Variants in TMPRSS9 observed in about 807,000 individuals in gnomAD.
The protein encoded by TMPRSS9 is transmembrane serine protease 9, also known as transmembrane protease serine 9.
A neutral mutation model predicts 111.4 loss-of-function variants in TMPRSS9; 113 were observed. The ratio of observed to expected loss-of-function variants is 1.01; its 90% confidence interval spans 0.87 to 1.19. The LOEUF (loss-of-function observed/expected upper bound fraction) is 1.19, where lower values mean the gene tolerates loss of function less well. Among genes scored for constraint, TMPRSS9 ranks in the 50% most tolerant of loss-of-function variants. The pLI, the probability that TMPRSS9 is intolerant of heterozygous loss-of-function variation, is 0.00. For synonymous variants in TMPRSS9, 805 were observed against 659.1 expected, an observed-to-expected ratio of 1.22 and a Z score of -3.39; for missense variants, 1,803 against 1,513.1, an observed-to-expected ratio of 1.19 and a Z score of -3.18.
chr19:2,388,391 C>G (rs368612791), upstream of TMPRSS9, among the ~76,000 whole-genome samples: 8 of 151,780 alleles, frequency 5.3e-5, no homozygotes, highest in African/African-American at 1.9e-4. Flanking sequence ...GTCTCAAAAA[C>G]AAACAAAAAA....
At chr19:2,392,057 A>G (rs1970610072) in intron 1 of TMPRSS9, among the ~76,000 whole-genome samples, 1 of 152,008 alleles carries the variant, frequency 6.6e-6, no homozygotes, top group African/African-American at 2.4e-5. Flanking sequence ...GTCTTTCAAG[A>G]AGCACTTAAG....
At chr19:2,361,326 T>G (rs1225530408) in intron 1 of TMPRSS9, among the ~76,000 whole-genome samples, 3 of 38,382 alleles carry the variant, frequency 7.8e-5, no homozygotes, top group Non-Finnish European at 1.5e-4. Context: ...GTTGGTGGGG[T>G]GGGGTGCGGG....
rs1259733352 is a variant in TMPRSS9 at position 2,421,853 on chromosome 19, G to C, written c.2155-1G>C. 2 of 1,595,982 alleles carry C rather than the reference G, an allele frequency of 1.3e-6. No homozygotes were observed. The highest frequency in any genetic ancestry group is 1.3e-5 in the African/African-American group (1 of 74,546). On this transcript the variant is annotated splice_acceptor_variant, in intron 13 of 17. Transcript: ENST00000648592. LOFTEE classifies it high-confidence loss of function. ...ACCAGTGCTCTTTCCTTCCTTTCTA[G>C]GGTGACTCTGGGGGCCCCCTGGCCT...
intron 7 of TMPRSS9, among the ~76,000 whole-genome samples, chr19:2,406,071 C>T (rs1176629710): frequency 4.4e-5 from 6 of 136,374 alleles, no homozygotes; most frequent in East Asian, 2.2e-4. Context: ...AGTGCAGTGG[C>T]GTGATCTCGG....
chr19:2,426,120 C>A, exon 18 of TMPRSS9: 1 of 1,586,620 alleles, frequency 6.3e-7, no homozygotes, highest in South Asian at 1.1e-5. Context: ...CGAGACTCTA[C>A]GTGAAAGCAA....
At chr19:2,363,891 C>T (rs1050271159) in intron 1 of TMPRSS9, among the ~76,000 whole-genome samples, 3 of 151,326 alleles carry the variant, frequency 2.0e-5, no homozygotes, top group Admixed American at 6.6e-5. Flanking sequence ...CCTTAATCTC[C>T]TCCTCTGTAA....
In TMPRSS9 at chr19:2,375,988, C is replaced by T. The variant is rs140989118; in HGVS notation, c.-25-13773C>T. ...GTAAAGATGCCAGATGCCCAGTAAA[C>T]CATTCGGCTCTCTCCGAAGTCAGCA... On this transcript the variant is annotated intron_variant, in intron 1 of 17. Coordinates refer to the TMPRSS9 transcript ENST00000649857. Among the ~76,000 whole-genome samples, 226 of 152,236 alleles carry T rather than the reference C, an allele frequency of 1.5e-3. 2 individuals carry two copies. Among genetic ancestry groups the T allele is most frequent in the Non-Finnish European group, 2.4e-3 (162 of 68,024 alleles).
At chr19:2,400,259 A>G (rs1315663491) in intron 4 of TMPRSS9, among the ~76,000 whole-genome samples, 1 of 152,218 alleles carries the variant, frequency 6.6e-6, no homozygotes, top group African/African-American at 2.4e-5. Flanking sequence ...ATTGTATGGA[A>G]GGCCGGGTGT....
upstream of TMPRSS9, chr19:2,389,625 C>T (rs891173): frequency 0.62 from 485,429 of 789,220 alleles, 153,299 homozygotes; most frequent in Middle Eastern, 0.72. Flanking sequence ...GCCTCAGCCT[C>T]CCAAAGTGCT....
upstream of TMPRSS9, among the ~76,000 whole-genome samples, chr19:2,385,172 C>CT (rs1378602544): frequency 9.0e-5 from 1 of 11,162 alleles, no homozygotes; most frequent in African/African-American, 3.0e-4. Flanking sequence ...GCGGGGCTCG[C>CT]GGGGGGCGGG....
At chr19:2,418,346 T>TCCCTCTCC (rs375110650) in intron 13 of TMPRSS9, among the ~76,000 whole-genome samples, 2 of 29,132 alleles carry the variant, frequency 6.9e-5, no homozygotes, top group African/African-American at 4.6e-4. Context: ...CTTCCCTCCC[T>TCCCTCTCC]TTCCCTCCCT....
rs1555676519 is a variant in TMPRSS9 at position 2,379,615 on chromosome 19, C to CTCTTCCTTTCTT, written c.-25-10142_-25-10141insCCTTTCTTTCTT. On this transcript the variant is annotated intron_variant, in intron 1 of 17. Coordinates refer to the TMPRSS9 transcript ENST00000649857. The stretch of plus-strand genomic sequence containing the variant: ...GACATTCCCTAAACTAACTTTCTTT[C>CTCTTCCTTTCTT]TCTTTCTTTCTTTCTTTCTTTCTTT... 7.6e-5 allele frequency among the ~76,000 whole-genome samples: 9 copies of CTCTTCCTTTCTT among 118,618 alleles called. No homozygotes were observed. The South Asian group carries it at 9.1e-4, about 12-fold the overall frequency. The allele number at this position is 118,618 out of a possible 152,430, so 77.8% of individuals were successfully genotyped here. A position where few individuals can be genotyped will look rare whatever the true frequency, so the allele number is the denominator to read the frequency against.
At chr19:2,399,793 C>G (rs999614196) in intron 4 of TMPRSS9, among the ~76,000 whole-genome samples, 1 of 152,124 alleles carries the variant, frequency 6.6e-6, no homozygotes, top group Non-Finnish European at 1.5e-5. Context: ...TCTTGGCTCA[C>G]TGCAGCTTCT....
At chr19:2,422,142 A>T in exon 14 of TMPRSS9, 1 of 1,592,506 alleles carries the variant, frequency 6.3e-7, no homozygotes, top group Non-Finnish European at 8.6e-7. Flanking sequence ...CAGCAGGGTG[A>T]CGGGCCAACC....
Position 2,396,535 on chromosome 19 carries a change from C to T in TMPRSS9, c.143-4C>T, listed in dbSNP as rs1366195116. 1 of 1,599,190 alleles carries T rather than the reference C, an allele frequency of 6.3e-7. No homozygotes were observed. On this transcript the variant is annotated splice_region_variant and splice_polypyrimidine_tract_variant and intron_variant, in intron 1 of 17. Transcript: ENST00000648592. ...TCTCTCACGGGCCCTGGTCTCGTCC[C>T]CAGCCTTCCTCTCTACACAGGGCTT...
intron 13 of TMPRSS9, 146 bp from the exon 15 acceptor site, chr19:2,421,708 T>G: frequency 2.8e-6 from 2 of 726,156 alleles, no homozygotes; most frequent in Non-Finnish European, 4.4e-6. Context: ...GGCATGGGGC[T>G]GCAGTCAGGT....
rs137891765 is a variant in TMPRSS9 at position 2,408,546 on chromosome 19, G to A, written c.1033G>A (p.Val345Met). 1.2e-4 allele frequency: 199 copies of A among 1,613,716 alleles called. 1 individual carries two copies. The Middle Eastern group carries it at 2.8e-3, about 23-fold the overall frequency. The change falls in exon 8 of 18, where the codon GTG becomes ATG. Residue 345 changes from valine to methionine, a missense_variant. Transcript: ENST00000648592. ...GCCTTTCGGCCGGCACATCCAGCCC[G>A]TGTGCCTCCCGGCTGCCACACACAT...
intron 14 of TMPRSS9, among the ~76,000 whole-genome samples, chr19:2,422,729 AT>A (rs984629520): frequency 2.4e-4 from 36 of 152,280 alleles, no homozygotes; most frequent in African/African-American, 8.7e-4. Flanking sequence ...CTACAAAAAA[AT>A]AAATAAAAAA....
chr19:2,410,693 C>T (rs1971077141), intron 9 of TMPRSS9, among the ~76,000 whole-genome samples: 1 of 152,086 alleles, frequency 6.6e-6, no homozygotes, highest in African/African-American at 2.4e-5. Context: ...TGCTCCCTTC[C>T]AGTGGGCCCC....
Sources: gnomAD v4.1 joint callset for allele counts (sites outside exome capture counted in the v4.1 genomes callset) on GRCh38, gnomAD v4.1.1 for gene constraint, MANE v1.5 for transcripts, NCBI Gene and HGNC (gene_info 2026-07-23, HGNC 2026-07-21) for gene names.